Variants in DCAF1 observed in about 807,000 individuals in gnomAD.
DCAF1 encodes the protein DDB1- and CUL4-associated factor 1.
DCAF1 carries 15 observed loss-of-function variants against 128.0 expected under a neutral mutation model. That is an observed-to-expected ratio of 0.12 (90% CI 0.08 to 0.18). The LOEUF (loss-of-function observed/expected upper bound fraction) is 0.18. Among genes scored for constraint, DCAF1 ranks in the 10% least tolerant of loss-of-function variants. The pLI is 1.00. For missense variants in DCAF1, 988 were observed against 1,649.5 expected (o/e 0.60, Z 6.95); for synonymous variants, 610 against 603.0 (o/e 1.01, Z -0.17).
intron 9 of DCAF1, chr3:51,437,266 CAAAAAAAAAAAAAAA>C (rs71633071): frequency 1.9e-5 from 5 of 256,608 alleles, no homozygotes; most frequent in Admixed American, 1.1e-4. Flanking sequence ...GACTCCATGT[CAAAAAAAAAAAAAAA>C]AAAAAAAAAG....
intron 5 of DCAF1, 51 bp downstream of exon 5, chr3:51,466,752 T>C (rs1553646648): frequency 7.0e-6 from 11 of 1,566,224 alleles, no homozygotes; most frequent in African/African-American, 1.4e-5. Flanking sequence ...ACAATAAAGA[T>C]ACAGCATCTA....
chr3:51,406,163 G>A (rs2106942715), intron 23 of DCAF1, among the ~76,000 whole-genome samples: 1 of 151,904 alleles, frequency 6.6e-6, no homozygotes, highest in South Asian at 2.1e-4. Flanking sequence ...CTAACACAGT[G>A]AAACCCCGTC....
chr3:51,464,386 TC>T (rs1703919009), intron 5 of DCAF1, among the ~76,000 whole-genome samples: 2 of 152,192 alleles, frequency 1.3e-5, no homozygotes, highest in South Asian at 4.1e-4. Context: ...ATTGACACAG[TC>T]CCACCATCCC....
At chr3:51,455,352 TC>T (rs1480716840) in intron 6 of DCAF1, among the ~76,000 whole-genome samples, 1 of 152,138 alleles carries the variant, frequency 6.6e-6, no homozygotes, top group Non-Finnish European at 1.5e-5. Flanking sequence ...ATGTCTGTAA[TC>T]CCAGCACTTT....
intron 2 of DCAF1, among the ~76,000 whole-genome samples, chr3:51,494,055 G>C (rs1707963661): frequency 6.6e-6 from 1 of 150,998 alleles, no homozygotes; most frequent in South Asian, 2.1e-4. Flanking sequence ...ACTAGTAGTT[G>C]CCAAGGACTT....
At chr3:51,503,157 C>T (rs1206347337), upstream of DCAF1, among the ~76,000 whole-genome samples, 1 of 152,146 alleles carries the variant, frequency 6.6e-6, no homozygotes, top group Admixed American at 6.6e-5. Context: ...CCCCCTGCTC[C>T]ATGGTGTGCC....
chr3:51,503,611 C>T (rs973212574), upstream of DCAF1, among the ~76,000 whole-genome samples: 3 of 152,110 alleles, frequency 2.0e-5, no homozygotes, highest in African/African-American at 4.8e-5. Flanking sequence ...CCAGCAGTGT[C>T]GCAGGAGCCA....
intron 12 of DCAF1, among the ~76,000 whole-genome samples, chr3:51,428,432 C>A (rs1433342476): frequency 1.3e-5 from 2 of 150,524 alleles, no homozygotes; most frequent in Non-Finnish European, 2.9e-5. Flanking sequence ...TCAAATGATC[C>A]TCCCACCTCT....
chr3:51,450,652 C>T (rs1276038611), intron 6 of DCAF1, among the ~76,000 whole-genome samples: 1 of 152,072 alleles, frequency 6.6e-6, no homozygotes, highest in African/African-American at 2.4e-5. Flanking sequence ...AAAAGATATC[C>T]ACTTATTTTT....
intron 20 of DCAF1, 83 bp downstream of exon 20, chr3:51,413,867 G>A: frequency 1.5e-6 from 2 of 1,330,548 alleles, no homozygotes; most frequent in Non-Finnish European, 9.7e-7. Flanking sequence ...TCACAAGTGA[G>A]AGATGGTTCC....
chr3:51,421,048 T>G, intron 14 of DCAF1, 51 bp from the exon 15 acceptor site: 2 of 1,537,890 alleles, frequency 1.3e-6, no homozygotes, highest in Non-Finnish European at 1.7e-6. Context: ...AATGGCCAAC[T>G]TCAATAGTTG....
downstream of DCAF1, chr3:51,396,914 T>C (rs888100532): frequency 1.7e-4 from 29 of 167,020 alleles, no homozygotes; most frequent in African/African-American, 6.8e-4. Flanking sequence ...AAGTGTTTAC[T>C]ACCATTAAAG....
upstream of DCAF1, among the ~76,000 whole-genome samples, chr3:51,501,593 T>A (rs547827114): frequency 6.6e-6 from 1 of 152,250 alleles, no homozygotes; most frequent in Non-Finnish European, 1.5e-5. Flanking sequence ...GGATCCTGAA[T>A]CCTGGGTCCC....
At chr3:51,493,795 A>G (rs1707932048) in intron 2 of DCAF1, among the ~76,000 whole-genome samples, 1 of 152,092 alleles carries the variant, frequency 6.6e-6, no homozygotes, top group Non-Finnish European at 1.5e-5. Context: ...CAACAGTTCG[A>G]GACCAGCCTG....
intron 2 of DCAF1, among the ~76,000 whole-genome samples, chr3:51,484,452 G>A (rs535917980): frequency 2.0e-5 from 3 of 151,772 alleles, no homozygotes; most frequent in South Asian, 2.1e-4. Flanking sequence ...CAGCTTGGGC[G>A]ACAGAGCAAG....
At chr3:51,500,125 A>G (rs1553663661), upstream of DCAF1, 133 of 119,370 alleles carry the variant, frequency 1.1e-3, 1 homozygote, top group African/African-American at 3.7e-3. Flanking sequence ...GGAAAAAAAA[A>G]AAAAAAAAAA....
intron 13 of DCAF1, 60 bp from the exon 14 acceptor site, chr3:51,422,491 C>CAG (rs550026619): frequency 2.4e-5 from 17 of 712,556 alleles, no homozygotes; most frequent in Middle Eastern, 2.3e-4. Flanking sequence ...TCAAGAGAGA[C>CAG]AGAGAGAGAG....
chr3:51,402,566 ATTTTT>A (rs540396047), intron 24 of DCAF1, among the ~76,000 whole-genome samples: 3 of 84,984 alleles, frequency 3.5e-5, no homozygotes, highest in Non-Finnish European at 6.0e-5. Context: ...CCTACAAAGC[ATTTTT>A]TTTTTTTTTT....
chr3:51,413,153 T>G, intron 21 of DCAF1, 87 bp from the exon 22 acceptor site: 2 of 1,573,012 alleles, frequency 1.3e-6, no homozygotes, highest in South Asian at 1.2e-5. Context: ...TCAGGATGAT[T>G]GCTCAAAAGT....
Sources: allele counts gnomAD v4.1 joint callset (sites outside exome capture counted in the v4.1 genomes callset), GRCh38; gene constraint gnomAD v4.1.1; transcripts MANE v1.5; gene names NCBI Gene and HGNC (gene_info 2026-07-23, HGNC 2026-07-21).